The following RAB7B variants were observed in gnomAD, a reference collection of about 807,000 sequenced individuals.
RAB7B encodes RAB7B, member RAS oncogene family, also known as ras-related protein Rab-7b.
chr1:205,996,893 A>G lies in RAB7B; in HGVS notation c.-16-2742T>C, dbSNP rs998153878. On this transcript the variant is annotated intron_variant, in intron 1 of 5. Transcript: ENST00000617070. ...CATCAGATCTTCTGAGAACTCACTC[A>G]CTATTATAAGAACAGCATGGGGAAA... Among the ~76,000 whole-genome samples, 411 of 152,254 alleles carry G rather than the reference A, an allele frequency of 2.7e-3. 1 individual carries two copies. Among genetic ancestry groups the G allele is most frequent in the African/African-American group, 9.7e-3 (402 of 41,526 alleles).
chr1:205,986,647 C>T (rs999678386), intron 4 of RAB7B, among the ~76,000 whole-genome samples: 1 of 152,224 alleles, frequency 6.6e-6, no homozygotes, highest in Non-Finnish European at 1.5e-5. Flanking sequence ...GTGATGTTGG[C>T]TTGGAAATGC....
chr1:205,987,375 T>G (rs1311624984), intron 4 of RAB7B, among the ~76,000 whole-genome samples: 1 of 152,262 alleles, frequency 6.6e-6, no homozygotes, highest in Non-Finnish European at 1.5e-5. Context: ...TTAATGTTGC[T>G]TTTGGTCAAC....
chr1:205,985,738 C>T (rs1429480218), intron 4 of RAB7B, 73 bp from the exon 5 acceptor site: 1 of 385,724 alleles, frequency 2.6e-6, no homozygotes, highest in African/African-American at 2.2e-5. Context: ...CCATCACATC[C>T]CCACCATCCC....
chr1:205,999,934 A>AT (rs1440758201), intron 1 of RAB7B, among the ~76,000 whole-genome samples: 2 of 152,088 alleles, frequency 1.3e-5, no homozygotes, highest in Non-Finnish European at 2.9e-5. Flanking sequence ...TGCCAGGCAG[A>AT]TTTTTTATTT....
At chr1:206,001,165 G>A (rs1455639873) in intron 1 of RAB7B, among the ~76,000 whole-genome samples, 5 of 152,242 alleles carry the variant, frequency 3.3e-5, no homozygotes, top group Admixed American at 3.3e-4. Context: ...TGGGAAGTGG[G>A]GGCGGTTTGT....
intron 1 of RAB7B, among the ~76,000 whole-genome samples, chr1:205,997,528 C>T (rs918750786): frequency 3.9e-5 from 6 of 152,158 alleles, no homozygotes; most frequent in East Asian, 1.9e-4. Context: ...AAGATTAAGA[C>T]GGGCTGTAAA....
At chr1:205,991,408 G>A (rs1660720072) in intron 4 of RAB7B, among the ~76,000 whole-genome samples, 1 of 152,222 alleles carries the variant, frequency 6.6e-6, no homozygotes, top group Non-Finnish European at 1.5e-5. Context: ...CAGAACCGAT[G>A]ACTCGTAGAT....
At chr1:205,999,119 G>A (rs1660852627) in intron 1 of RAB7B, among the ~76,000 whole-genome samples, 1 of 152,166 alleles carries the variant, frequency 6.6e-6, no homozygotes, top group Non-Finnish European at 1.5e-5. Flanking sequence ...TTGCTCCATA[G>A]TGCCCCTGTT....
At chr1:205,998,126 T>G (rs1660834371) in intron 1 of RAB7B, among the ~76,000 whole-genome samples, 1 of 152,000 alleles carries the variant, frequency 6.6e-6, no homozygotes, top group African/African-American at 2.4e-5. Context: ...GAGGCCAAGG[T>G]GGGCGGATCA....
In RAB7B at chr1:206,003,376, C is replaced by G. The variant is rs1484511490; in HGVS notation, c.-140G>C. On this transcript the variant is annotated 5_prime_UTR_variant, in exon 1 of 6. Coordinates refer to ENST00000617070, the MANE Select transcript of RAB7B (RefSeq NM_001164522.3). ...CAGGGAAGAGGCTCTGGGACAAAGACAGGCAAAAGAAAGTCTGTTGAAGCC... is the reference window on the plus strand; with the variant it reads ...CAGGGAAGAGGCTCTGGGACAAAGAGAGGCAAAAGAAAGTCTGTTGAAGCC... 6.6e-6 allele frequency: 1 copy of G among 152,328 alleles called. No individual in the cohort carries two copies. The highest frequency in any genetic ancestry group is 1.5e-5 in the Non-Finnish European group (1 of 68,120). 9.4% of individuals were successfully genotyped at this position (152,328 alleles called of 1,614,324 possible).
At chr1:205,987,308 C>G (rs1444134258) in intron 4 of RAB7B, among the ~76,000 whole-genome samples, 1 of 152,080 alleles carries the variant, frequency 6.6e-6, no homozygotes, top group Non-Finnish European at 1.5e-5. Flanking sequence ...AAAATAAGCT[C>G]AGGGTGTGAT....
intron 1 of RAB7B, among the ~76,000 whole-genome samples, chr1:205,995,813 T>C (rs1262514249): frequency 6.6e-6 from 1 of 152,210 alleles, no homozygotes; most frequent in Non-Finnish European, 1.5e-5. Flanking sequence ...TTATACAGCA[T>C]GGTGACTATA....
intron 4 of RAB7B, among the ~76,000 whole-genome samples, chr1:205,988,489 T>G (rs1189091384): frequency 6.6e-6 from 1 of 152,206 alleles, no homozygotes; most frequent in Non-Finnish European, 1.5e-5. Flanking sequence ...CCGACTTTGG[T>G]CTCCCAAGGT....
In RAB7B at chr1:205,999,956, T is replaced by C. The variant is rs927000006; in HGVS notation, c.-17+3297A>G. ...CAGATTTTTTATTTTTCATTTTTTG[T>C]AGAGACAGGATCATGCTTTGTAGCC... On this transcript the variant is annotated intron_variant, in intron 1 of 5. Coordinates refer to ENST00000617070, the MANE Select transcript of RAB7B (RefSeq NM_001164522.3). Among the ~76,000 whole-genome samples the C allele has an allele frequency of 6.6e-5, 10 of 152,270 alleles. No individual in the cohort carries two copies. In the East Asian group the frequency reaches 9.6e-4, roughly 15 times the overall value.
intron 1 of RAB7B, among the ~76,000 whole-genome samples, chr1:206,002,718 C>T (rs1005659853): frequency 9.9e-5 from 15 of 152,158 alleles, no homozygotes; most frequent in Admixed American, 5.9e-4. Flanking sequence ...CAGATCCGTC[C>T]GACTCTATTC....
At chr1:205,988,492 C>A (rs1660657415) in intron 4 of RAB7B, among the ~76,000 whole-genome samples, 2 of 152,274 alleles carry the variant, frequency 1.3e-5, no homozygotes, top group African/African-American at 4.8e-5. Context: ...ACTTTGGTCT[C>A]CCAAGGTGTT....
At chr1:205,985,843 A>AGGCCCACCATCCCCATCAGGC (rs1571792894) in intron 4 of RAB7B, among the ~76,000 whole-genome samples, 178 bp from the exon 5 acceptor site, 1 of 149,536 alleles carries the variant, frequency 6.7e-6, no homozygotes, top group Non-Finnish European at 1.5e-5. Flanking sequence ...CAGGCCCACC[A>AGGCCCACCATCCCCATCAGGC]CCACTCCCAT....
intron 1 of RAB7B, among the ~76,000 whole-genome samples, chr1:206,001,911 A>G (rs1660898927): frequency 6.6e-6 from 1 of 152,176 alleles, no homozygotes; most frequent in African/African-American, 2.4e-5. Context: ...GCTGGCTCCA[A>G]CCTGAAACCA....
intron 1 of RAB7B, among the ~76,000 whole-genome samples, chr1:205,997,677 G>A (rs1285658535): frequency 1.7e-4 from 26 of 152,272 alleles, no homozygotes; most frequent in African/African-American, 6.3e-4. Flanking sequence ...TGCTGTCCAC[G>A]AGGGAAATCA....
Sources: gnomAD v4.1 joint callset for allele counts (sites outside exome capture counted in the v4.1 genomes callset) on GRCh38, gnomAD v4.1.1 for gene constraint, MANE v1.5 for transcripts, NCBI Gene and HGNC (gene_info 2026-07-23, HGNC 2026-07-21) for gene names.